PI4KA: variants seen among roughly 807,000 people sequenced by gnomAD.
PI4KA encodes the protein phosphatidylinositol 4-kinase alpha, also known as PI4-kinase alpha.
PI4KA carries 122 observed loss-of-function variants against 271.4 expected under a neutral mutation model. That is an observed-to-expected ratio of 0.45 (90% confidence interval 0.39 to 0.52). The LOEUF (loss-of-function observed/expected upper bound fraction) is 0.52. Among genes scored for constraint, PI4KA ranks in the 20% least tolerant of loss-of-function variants. PI4KA has a pLI of 0.00. For synonymous variants in PI4KA, 1,041 were observed against 1,078.8 expected, an observed-to-expected ratio of 0.96 and a Z score of 0.69; for missense variants, 1,969 against 2,769.1, an observed-to-expected ratio of 0.71 and a Z score of 6.48.
At chr22:20,786,953 C>T in intron 19 of PI4KA, 2 of 1,614,176 alleles carry the variant, frequency 1.2e-6, no homozygotes, top group East Asian at 2.2e-5. Context: ...GTTCATGCCG[C>T]TGTCCACCCA....
chr22:20,858,565 G>T lies in PI4KA; in HGVS notation c.156+5C>A, dbSNP rs573614618. 10 of 1,380,280 alleles carry T rather than the reference G, an allele frequency of 7.2e-6. No individual in the cohort carries two copies. In the African/African-American group the frequency reaches 1.2e-4, roughly 16 times the overall value. 85.5% of individuals were successfully genotyped at this position (1,380,280 alleles called of 1,614,324 possible). A position where few individuals can be genotyped will look rare whatever the true frequency, so the allele number is the denominator to read the frequency against. ...TCAGCCCGCGGCCCAGCCCGCCGAC[G>T]TTACCTTCTCCAAGGATGCTGGTCT... On this transcript the variant is annotated splice_donor_5th_base_variant and intron_variant, in intron 1 of 54. Transcript: ENST00000255882.
intron 41 of PI4KA, among the ~76,000 whole-genome samples, chr22:20,726,932 G>C (rs1193325736): frequency 6.6e-6 from 1 of 152,154 alleles, no homozygotes; most frequent in Non-Finnish European, 1.5e-5. Flanking sequence ...CCAAGGCACA[G>C]CTAGCTGCAC....
intron 23 of PI4KA, among the ~76,000 whole-genome samples, chr22:20,758,692 T>C (rs1278863057): frequency 6.6e-6 from 1 of 152,080 alleles, no homozygotes; most frequent in Non-Finnish European, 1.5e-5. Flanking sequence ...GCATCTCTCT[T>C]ATAGCCCCAA....
intron 42 of PI4KA, among the ~76,000 whole-genome samples, chr22:20,726,094 T>C (rs1411228097): frequency 6.6e-6 from 1 of 152,230 alleles, no homozygotes; most frequent in Non-Finnish European, 1.5e-5. Flanking sequence ...GCCCAGTCTG[T>C]GGTGCTTCGC....
chr22:20,768,528 A>T (rs1362377433), intron 19 of PI4KA, among the ~76,000 whole-genome samples: 1 of 152,230 alleles, frequency 6.6e-6, no homozygotes, highest in African/African-American at 2.4e-5. Flanking sequence ...CCACATGTTA[A>T]GATTATTTCT....
intron 47 of PI4KA, among the ~76,000 whole-genome samples, chr22:20,714,187 C>CG (rs1925686504): frequency 3.3e-5 from 5 of 151,976 alleles, no homozygotes; most frequent in African/African-American, 1.2e-4. Flanking sequence ...CTAACACCCC[C>CG]CAACAGCCCC....
chr22:20,737,762 G>A (rs1369927637), intron 32 of PI4KA, among the ~76,000 whole-genome samples: 1 of 151,858 alleles, frequency 6.6e-6, no homozygotes, highest in East Asian at 1.9e-4. Context: ...CTCCTAAGTA[G>A]CTGGGATTAC....
chr22:20,713,320 C>T lies in PI4KA; in HGVS notation c.5532G>A (p.Trp1844Ter). The change falls in exon 48 of 55, where the codon TGG becomes TGA. Residue 1844 changes from tryptophan to a stop codon, truncating the protein, a stop_gained. Transcript: ENST00000255882. LOFTEE classifies it high-confidence loss of function. ...CTCCCACCTTGAAGATGGCTGCCTG[C>T]CAGGAGATCTTCTGGCCGTCGGCCT... ...TQEADGQKIS[W>*]QAAIFKVGDD... 6.3e-7 allele frequency: 1 copy of T among 1,599,760 alleles called. No individual in the cohort carries two copies. The highest frequency in any genetic ancestry group is 8.5e-7 in the Non-Finnish European group (1 of 1,172,306).
At position 20,851,080 on chromosome 22, in the gene PI4KA, C is replaced by T. The variant is rs114363869; in HGVS notation, c.156+7490G>A. Among the ~76,000 whole-genome samples the T allele has an allele frequency of 3.1e-3, 476 of 152,164 alleles. 2 individuals carry two copies. The highest frequency in any genetic ancestry group is 0.011 in the African/African-American group (456 of 41,510). Reference sequence around the variant, plus strand: ...ATTTCTATTTTTAAAAATGTCTAGGCCAGGCACAGTGGCTCATGCCTATAA... The same window carrying T: ...ATTTCTATTTTTAAAAATGTCTAGGTCAGGCACAGTGGCTCATGCCTATAA... On this transcript the variant is annotated intron_variant, in intron 1 of 54. Coordinates refer to ENST00000255882, the MANE Select transcript of PI4KA (RefSeq NM_058004.4).
chr22:20,714,880 C>G (rs1311094114), intron 45 of PI4KA, among the ~76,000 whole-genome samples, 180 bp from the exon 46 acceptor site: 3 of 152,190 alleles, frequency 2.0e-5, no homozygotes, highest in Non-Finnish European at 1.5e-5. Context: ...CGCTAAGGGT[C>G]CGTCCTCCTT....
chr22:20,804,850 T>C (rs886285864), intron 11 of PI4KA, 124 bp downstream of exon 11: 18 of 769,528 alleles, frequency 2.3e-5, no homozygotes, highest in African/African-American at 2.1e-4. Flanking sequence ...CCAGGAGGCC[T>C]ACTGCAACTG....
chr22:20,727,968 G>T (rs1927568417), intron 39 of PI4KA, 104 bp from the exon 40 acceptor site: 4 of 743,646 alleles, frequency 5.4e-6, no homozygotes, highest in Non-Finnish European at 6.8e-6. Context: ...GAACTGGAGG[G>T]ATTCACATCA....
At chr22:20,761,231 A>G in intron 23 of PI4KA, 73 bp downstream of exon 23, 1 of 834,454 alleles carries the variant, frequency 1.2e-6, no homozygotes, top group Non-Finnish European at 2.1e-6. Context: ...GTAGACAGAA[A>G]AGAGGAAGTA....
At chr22:20,812,012 C>CAA (rs361795) in intron 8 of PI4KA, among the ~76,000 whole-genome samples, 25 of 77,408 alleles carry the variant, frequency 3.2e-4, no homozygotes, top group African/African-American at 4.0e-4. Context: ...GACTCCATCT[C>CAA]AAAAAAAAAA....
intron 1 of PI4KA, among the ~76,000 whole-genome samples, chr22:20,842,380 G>A (rs977121430): frequency 8.5e-5 from 13 of 152,164 alleles, no homozygotes; most frequent in African/African-American, 1.9e-4. Flanking sequence ...AATTATAAAC[G>A]TGTTATTCTA....
intron 3 of PI4KA, among the ~76,000 whole-genome samples, chr22:20,824,788 C>T (rs765307790): frequency 1.3e-5 from 2 of 148,838 alleles, no homozygotes; most frequent in Non-Finnish European, 3.0e-5. Context: ...ACAAAACACT[C>T]GGCTGGGCGA....
chr22:20,842,941 A>G (rs1925751655), intron 1 of PI4KA, among the ~76,000 whole-genome samples: 1 of 151,972 alleles, frequency 6.6e-6, no homozygotes, highest in African/African-American at 2.4e-5. Context: ...TACTAAAAAT[A>G]CAAAAAATTA....
chr22:20,828,778 C>A (rs1923776465), intron 3 of PI4KA, among the ~76,000 whole-genome samples: 1 of 152,164 alleles, frequency 6.6e-6, no homozygotes, highest in Admixed American at 6.5e-5. Context: ...TGGTCTCAAT[C>A]TCCTGACCTC....
chr22:20,728,230 TCTA>T (rs1418263160), intron 39 of PI4KA, among the ~76,000 whole-genome samples: 1 of 152,084 alleles, frequency 6.6e-6, no homozygotes, highest in Non-Finnish European at 1.5e-5. Flanking sequence ...AATACAGACA[TCTA>T]CTACATATGC....
Sources: gnomAD v4.1 joint callset for allele counts (sites outside exome capture counted in the v4.1 genomes callset) on GRCh38, gnomAD v4.1.1 for gene constraint, MANE v1.5 for transcripts, NCBI Gene and HGNC (gene_info 2026-07-23, HGNC 2026-07-21) for gene names.